The following FKTN variants were observed in gnomAD, a reference collection of about 807,000 sequenced individuals.
FKTN encodes the protein ribitol-5-phosphate transferase FKTN.
FKTN carries 47 observed loss-of-function variants against 58.6 expected under a neutral mutation model. The observed-to-expected ratio is 0.80, with a 90% CI of 0.63 to 1.02. The LOEUF (loss-of-function observed/expected upper bound fraction) is 1.02. Ranked by LOEUF, FKTN falls within the 50% of genes least tolerant of loss-of-function variation. The pLI is 0.00. For synonymous variants in FKTN, 178 were observed against 191.9 expected (o/e 0.93, Z 0.60); for missense variants, 516 against 537.3 (o/e 0.96, Z 0.39).
Position 105,575,090 on chromosome 9 carries a change from T to G in FKTN, c.58T>G (p.Phe20Val), listed in dbSNP as rs1554731003. Residue 20 changes from phenylalanine to valine, a missense_variant, in exon 3 of 11, where the codon TTT becomes GTT. Phe to Val is a conservative substitution (Grantham distance 50). Transcript: ENST00000357998. Reference protein sequence around the residue: ...LALLTLTSSAFLLFQLYYYKH... With the variant: ...LALLTLTSSAVLLFQLYYYKH... The stretch of plus-strand genomic sequence containing the variant: ...CCTTTTAACGCTGACAAGTTCTGCA[T>G]TTCTGCTGTTTCAGTTGTACTACTA... The G allele has an allele frequency of 1.9e-6, 3 of 1,612,104 alleles. No individual in the cohort carries two copies. The highest frequency in any genetic ancestry group is 1.7e-6 in the Non-Finnish European group (2 of 1,178,274).
intron 9 of FKTN, among the ~76,000 whole-genome samples, chr9:105,619,449 T>A (rs184488867): frequency 3.3e-5 from 5 of 152,312 alleles, no homozygotes; most frequent in African/African-American, 1.2e-4. Context: ...TAACTTTTAT[T>A]TTTTTCTTTT....
chr9:105,579,800 T>C (rs2132150644), intron 3 of FKTN, among the ~76,000 whole-genome samples: 1 of 150,920 alleles, frequency 6.6e-6, no homozygotes, highest in East Asian at 1.9e-4. Flanking sequence ...TGTGGGAGTC[T>C]AAGTCTCTTT....
intron 7 of FKTN, 151 bp from the exon 8 acceptor site, chr9:105,615,127 A>G: frequency 1.3e-6 from 1 of 759,476 alleles, no homozygotes; most frequent in Non-Finnish European, 2.2e-6. Flanking sequence ...CAAGTGATCC[A>G]CCTGCCTTGG....
In FKTN at chr9:105,601,131, T is replaced by C; in HGVS notation, c.166-14T>C. On this transcript the variant is annotated splice_polypyrimidine_tract_variant and intron_variant, in intron 4 of 10. Transcript: ENST00000357998. ...GCTTACTGGAATTACGAGAATTCTT[T>C]TTCTCTCAAACAGCGTGCAGTTAAA... 1 of 1,485,270 alleles carries C rather than the reference T, an allele frequency of 6.7e-7. No homozygotes were observed. Among genetic ancestry groups the C allele is most frequent in the South Asian group, 1.1e-5 (1 of 87,586 alleles). The allele number at this position is 1,485,270 out of a possible 1,614,324, so 92.0% of individuals were successfully genotyped here.
In FKTN at chr9:105,578,730, G is replaced by A. The variant is rs1456791983; in HGVS notation, c.105+3593G>A. Among the ~76,000 whole-genome samples, 47 of 151,816 alleles carry A rather than the reference G, an allele frequency of 3.1e-4. No homozygotes were observed. In the East Asian group the frequency reaches 8.7e-3, roughly 28 times the overall value. On this transcript the variant is annotated intron_variant, in intron 3 of 10. Coordinates refer to ENST00000357998, the MANE Select transcript of FKTN (RefSeq NM_001079802.2). Reference sequence around the variant, plus strand: ...CCCTCTTTTTCTATTGATTGGAATAGTTTCAGAAGGAATGGTACCAGCTCC... The same window carrying A: ...CCCTCTTTTTCTATTGATTGGAATAATTTCAGAAGGAATGGTACCAGCTCC...
intron 5 of FKTN, among the ~76,000 whole-genome samples, chr9:105,601,919 A>G (rs564238974): frequency 1.3e-5 from 2 of 152,360 alleles, no homozygotes; most frequent in South Asian, 4.1e-4. Flanking sequence ...TAACTATAAT[A>G]TAACCTAGAA....
At chr9:105,616,505 G>A (rs576200352) in intron 8 of FKTN, among the ~76,000 whole-genome samples, 15 of 152,256 alleles carry the variant, frequency 9.9e-5, no homozygotes, top group African/African-American at 3.4e-4. Context: ...GAATCTGTGA[G>A]TGATTTCTGG....
intron 3 of FKTN, among the ~76,000 whole-genome samples, chr9:105,576,439 T>C (rs1370049732): frequency 2.6e-5 from 4 of 151,652 alleles, no homozygotes; most frequent in African/African-American, 9.7e-5. Flanking sequence ...GTTCTTACGA[T>C]AGTTTACTGA....
At chr9:105,581,923 C>G (rs1201718138) in intron 3 of FKTN, among the ~76,000 whole-genome samples, 2 of 152,120 alleles carry the variant, frequency 1.3e-5, no homozygotes, top group Non-Finnish European at 2.9e-5. Flanking sequence ...GGGAGTGACC[C>G]GATTTTCCAG....
Position 105,599,382 on chromosome 9 carries a change from T to A in FKTN, c.166-1763T>A, listed in dbSNP as rs546350212. Among the ~76,000 whole-genome samples the A allele has an allele frequency of 3.3e-5, 5 of 152,172 alleles. No individual in the cohort carries two copies. The South Asian group carries it at 8.3e-4, about 25-fold the overall frequency. Reference sequence around the variant, plus strand: ...TTTATCTTTTTTTAGTTACTGGAATTGATTTTCTAATATTTTATTAAGTAT... The same window carrying A: ...TTTATCTTTTTTTAGTTACTGGAATAGATTTTCTAATATTTTATTAAGTAT... On this transcript the variant is annotated intron_variant, in intron 4 of 10. Transcript: ENST00000357998.
chr9:105,607,829 C>G lies in FKTN; in HGVS notation c.658C>G (p.Gln220Glu). 1 of 1,610,866 alleles carries G rather than the reference C, an allele frequency of 6.2e-7. No individual in the cohort carries two copies. Among genetic ancestry groups the G allele is most frequent in the Non-Finnish European group, 8.5e-7 (1 of 1,177,722 alleles). Residue 220 changes from glutamine to glutamate, a missense_variant, in exon 7 of 11, where the codon CAG becomes GAG. Physicochemically the swap from Gln to Glu is conservative, Grantham distance 29. Transcript: ENST00000357998. ...AACTTTTGTTTTCAGGCCAGAGTTA[C>G]AGCAAGTTACTGTTGATGGACTGGA... The part of the protein sequence containing the change: ...YPGAFDRPEL[Q>E]QVTVDGLEVL...
At chr9:105,625,764 C>T (rs2133316864) in intron 10 of FKTN, among the ~76,000 whole-genome samples, 1 of 151,960 alleles carries the variant, frequency 6.6e-6, no homozygotes, top group African/African-American at 2.4e-5. Context: ...AACATACATA[C>T]AGAAAACTAT....
intron 6 of FKTN, among the ~76,000 whole-genome samples, chr9:105,604,954 TCA>T (rs1564294044): frequency 4.5e-5 from 6 of 132,210 alleles, no homozygotes; most frequent in Non-Finnish European, 6.5e-5. Context: ...GGACTTTGTC[TCA>T]AAAAAAAAAA....
Position 105,587,384 on chromosome 9 carries a change from T to A in FKTN, c.106-9214T>A, listed in dbSNP as rs141985296. Among the ~76,000 whole-genome samples the A allele has an allele frequency of 4.6e-3, 701 of 152,350 alleles. 2 individuals carry two copies. Among genetic ancestry groups the A allele is most frequent in the Non-Finnish European group, 6.5e-3 (440 of 68,030 alleles). Reference sequence around the variant, plus strand: ...CACAGTGAGCAATTTTATATGCCATTATTAGAAATGGAAATCAGTCTTGTA... The same window carrying A: ...CACAGTGAGCAATTTTATATGCCATAATTAGAAATGGAAATCAGTCTTGTA... On this transcript the variant is annotated intron_variant, in intron 3 of 10. Coordinates refer to ENST00000357998, the MANE Select transcript of FKTN (RefSeq NM_001079802.2).
chr9:105,573,071 C>T (rs1841037214), intron 1 of FKTN, among the ~76,000 whole-genome samples: 1 of 151,826 alleles, frequency 6.6e-6, no homozygotes, highest in Non-Finnish European at 1.5e-5. Context: ...CCCGTCTAAA[C>T]TAAATATACA....
At position 105,638,464 on chromosome 9, in the gene FKTN, T is replaced by C. The variant is rs990763534; in HGVS notation, c.*3200T>C. The C allele has an allele frequency of 5.1e-6, 5 of 985,286 alleles. No individual in the cohort carries two copies. The highest frequency in any genetic ancestry group is 6.0e-6 in the Non-Finnish European group (5 of 829,938). 61.0% of individuals were successfully genotyped at this position (985,286 alleles called of 1,614,324 possible). ...GGAGACATCAGCCTTTGGTACCTAATTCTCTAAGCTCAAGATGCATCCCAT... is the reference window on the plus strand; with the variant it reads ...GGAGACATCAGCCTTTGGTACCTAACTCTCTAAGCTCAAGATGCATCCCAT... On this transcript the variant is annotated 3_prime_UTR_variant, in exon 11 of 11. Transcript: ENST00000357998.
chr9:105,571,618 C>T (rs1840748758), intron 1 of FKTN, among the ~76,000 whole-genome samples: 1 of 152,092 alleles, frequency 6.6e-6, no homozygotes, highest in Admixed American at 6.6e-5. Flanking sequence ...TGTTCTTTCC[C>T]ATTTATTAAT....
At chr9:105,565,034 T>C (rs1045617260) in intron 1 of FKTN, among the ~76,000 whole-genome samples, 10 of 152,176 alleles carry the variant, frequency 6.6e-5, no homozygotes, top group African/African-American at 1.9e-4. Flanking sequence ...CAGAATTTCA[T>C]ATCCAGCCAA....
chr9:105,607,237 G>A (rs1219530296), intron 6 of FKTN, among the ~76,000 whole-genome samples: 2 of 151,922 alleles, frequency 1.3e-5, no homozygotes, highest in South Asian at 2.1e-4. Context: ...TTGCAGATTA[G>A]CATTTTACCC....
Sources: allele counts gnomAD v4.1 joint callset (sites outside exome capture counted in the v4.1 genomes callset), GRCh38; gene constraint gnomAD v4.1.1; transcripts MANE v1.5; gene names NCBI Gene and HGNC (gene_info 2026-07-23, HGNC 2026-07-21).